TRIM24: variants seen among roughly 807,000 people sequenced by gnomAD.
TRIM24 encodes tripartite motif containing 24, also known as transcription intermediary factor 1-alpha.
Under a neutral mutation model 123.9 loss-of-function variants are expected in TRIM24, and 29 were observed. The observed-to-expected ratio is 0.23, with a 90% CI of 0.17 to 0.32. The LOEUF (loss-of-function observed/expected upper bound fraction) is 0.32. Ranked by LOEUF, TRIM24 falls within the 10% of genes least tolerant of loss-of-function variation. The probability of loss-of-function intolerance (pLI) is 1.00; values close to 1 mark genes in which losing one functional copy is unlikely to be tolerated. For missense variants in TRIM24, 932 were observed against 1,295.3 expected (o/e 0.72, Z 4.31); for synonymous variants, 456 against 461.1 (o/e 0.99, Z 0.14).
At chr7:138,522,663 C>T (rs1796527742) in intron 4 of TRIM24, among the ~76,000 whole-genome samples, 1 of 151,606 alleles carries the variant, frequency 6.6e-6, no homozygotes, top group African/African-American at 2.4e-5. Flanking sequence ...TTTTTTTTAA[C>T]TGTACTATGG....
intron 3 of TRIM24, among the ~76,000 whole-genome samples, chr7:138,516,808 G>GTTTTTTTTTT (rs1224612357): frequency 1.4e-4 from 18 of 131,870 alleles, no homozygotes; most frequent in African/African-American, 5.2e-4. Flanking sequence ...TAGCAAAACC[G>GTTTTTTTTTT]TTTTGTTTTT....
At position 138,585,102 on chromosome 7, in the gene TRIM24, C is replaced by A; in HGVS notation, c.*151C>A. ...TACTAGACTTTGATTTCCTTAATAG[C>A]CCATTTCTGTTAACCTCTTATCACT... is the stretch of plus-strand genomic sequence containing the variant. On this transcript the variant is annotated 3_prime_UTR_variant, in exon 19 of 19. Transcript: ENST00000343526. 4 of 554,884 alleles carry A rather than the reference C, an allele frequency of 7.2e-6. No homozygotes were observed. Among genetic ancestry groups the A allele is most frequent in the South Asian group, 3.7e-5 (1 of 26,918 alleles). 34.4% of individuals were successfully genotyped at this position (554,884 alleles called of 1,614,324 possible).
At position 138,567,593 on chromosome 7, in the gene TRIM24, G is replaced by A. The variant is rs771983254; in HGVS notation, c.1643G>A (p.Arg548Gln). The A allele has an allele frequency of 1.5e-5, 25 of 1,613,320 alleles. No individual in the cohort carries two copies. Among genetic ancestry groups the A allele is most frequent in the African/African-American group, 5.3e-5 (4 of 74,800 alleles). The change falls in exon 10 of 19, where the codon CGA becomes CAA. Residue 548 changes from arginine to glutamine, a missense_variant. Physicochemically the swap from Arg to Gln is conservative, Grantham distance 43. Coordinates refer to ENST00000343526, the MANE Select transcript of TRIM24 (RefSeq NM_015905.3). ...TATCCACCAAACCAGAACATACCACGACAAGCAATAAAGCCAAACCCCCTA... is the reference window on the plus strand; with the variant it reads ...TATCCACCAAACCAGAACATACCACAACAAGCAATAAAGCCAAACCCCCTA... ...LRYPPNQNIP[R>Q]QAIKPNPLQM...
intron 2 of TRIM24, 40 bp downstream of exon 2, chr7:138,504,448 T>G: frequency 1.0e-5 from 1 of 97,024 alleles, no homozygotes; most frequent in Non-Finnish European, 1.9e-5. Context: ...CTGCCAGCTC[T>G]TTTTTTTTTT....
chr7:138,576,583 TA>T (rs1317103736), intron 13 of TRIM24, 138 bp downstream of exon 13: 6 of 599,216 alleles, frequency 1.0e-5, no homozygotes, highest in Non-Finnish European at 1.7e-5. Context: ...ATAACTACTA[TA>T]TATTTTAATG....
chr7:138,573,653 CT>C lies in TRIM24; in HGVS notation c.2014+13del. 1 of 1,590,010 alleles carries C rather than the reference CT, an allele frequency of 6.3e-7. No individual in the cohort carries two copies. Among genetic ancestry groups the C allele is most frequent in the Non-Finnish European group, 8.5e-7 (1 of 1,173,194 alleles). ...CTCCAGGCCTTGCAGGTAAAGTGGG[CT>C]TCTTTTGATTTTTGTGAAAGTTTTT... On this transcript the variant is annotated intron_variant, in intron 12 of 18. Coordinates refer to ENST00000343526, the MANE Select transcript of TRIM24 (RefSeq NM_015905.3).
chr7:138,495,597 G>A (rs1795887728), intron 1 of TRIM24, among the ~76,000 whole-genome samples: 1 of 151,862 alleles, frequency 6.6e-6, no homozygotes, highest in Admixed American at 6.6e-5. Context: ...GCAGTTTTAG[G>A]ATGGTATATT....
intron 2 of TRIM24, among the ~76,000 whole-genome samples, chr7:138,505,075 A>G (rs1227118520): frequency 6.6e-6 from 1 of 152,174 alleles, no homozygotes; most frequent in Non-Finnish European, 1.5e-5. Flanking sequence ...TTTGCCAACT[A>G]TTGATGAGGC....
At chr7:138,555,347 A>T (rs570377636) in intron 9 of TRIM24, among the ~76,000 whole-genome samples, 1 of 152,190 alleles carries the variant, frequency 6.6e-6, no homozygotes, top group Non-Finnish European at 1.5e-5. Flanking sequence ...TGTTCAGTAA[A>T]CCACATTGCA....
At chr7:138,467,632 G>A (rs1349774423) in intron 1 of TRIM24, among the ~76,000 whole-genome samples, 4 of 152,136 alleles carry the variant, frequency 2.6e-5, no homozygotes, top group Non-Finnish European at 1.5e-5. Context: ...GTGAGCCACT[G>A]CACCCAGCCA....
chr7:138,562,561 A>C (rs575922726), intron 9 of TRIM24, among the ~76,000 whole-genome samples: 13 of 152,138 alleles, frequency 8.5e-5, no homozygotes, highest in Non-Finnish European at 1.8e-4. Flanking sequence ...ATGTTAGTAG[A>C]GTCGCTCACT....
Position 138,460,779 on chromosome 7 carries a change from C to G in TRIM24, c.231C>G (p.Phe77Leu). The G allele has an allele frequency of 6.3e-7, 1 of 1,584,592 alleles. No homozygotes were observed. The highest frequency in any genetic ancestry group is 8.6e-7 in the Non-Finnish European group (1 of 1,168,328). Reference protein sequence around the residue: ...APKLLPCLHSFCQRCLPAPQR... With the variant: ...APKLLPCLHSLCQRCLPAPQR... ...AGCTGCTGCCCTGCCTGCACTCTTT[C>G]TGCCAGCGCTGCCTGCCCGCGCCCC... The change falls in exon 1 of 19, where the codon TTC becomes TTG. Residue 77 changes from phenylalanine to leucine, a missense_variant. Transcript: ENST00000343526.
intron 11 of TRIM24, among the ~76,000 whole-genome samples, chr7:138,572,855 A>G (rs1313973862): frequency 6.6e-6 from 1 of 152,234 alleles, no homozygotes; most frequent in African/African-American, 2.4e-5. Flanking sequence ...TTGCCTGGCA[A>G]TGAATAAGGA....
intron 5 of TRIM24, among the ~76,000 whole-genome samples, chr7:138,528,085 G>A (rs1400361602): frequency 4.6e-5 from 7 of 151,838 alleles, no homozygotes; most frequent in Non-Finnish European, 1.0e-4. Context: ...AATGACTCTT[G>A]CTATGCGGCC....
intron 7 of TRIM24, among the ~76,000 whole-genome samples, chr7:138,540,347 T>G (rs916054952): frequency 6.6e-6 from 1 of 152,198 alleles, no homozygotes; most frequent in African/African-American, 2.4e-5. Flanking sequence ...CTTTCAGAAT[T>G]GGAGTCAGTC....
intron 7 of TRIM24, chr7:138,545,619 T>C (rs1196020565): frequency 2.3e-6 from 1 of 431,510 alleles, no homozygotes. Context: ...CATCTGTATG[T>C]GTGTATGTAT....
At chr7:138,501,205 A>T (rs950001750) in intron 1 of TRIM24, among the ~76,000 whole-genome samples, 21 of 152,144 alleles carry the variant, frequency 1.4e-4, no homozygotes, top group African/African-American at 5.1e-4. Flanking sequence ...TCACTAGGTG[A>T]TAGGAATTTT....
chr7:138,584,709 CT>C, intron 18 of TRIM24, 32 bp from the exon 19 acceptor site: 6 of 1,532,570 alleles, frequency 3.9e-6, no homozygotes, highest in South Asian at 1.2e-5. Flanking sequence ...AAAGTGTGTC[CT>C]TTTTTTACTC....
At chr7:138,526,320 T>C (rs1178133623) in intron 5 of TRIM24, among the ~76,000 whole-genome samples, 3 of 152,230 alleles carry the variant, frequency 2.0e-5, no homozygotes, top group African/African-American at 2.4e-5. Flanking sequence ...TTACACATAG[T>C]TTTACCATTT....
Sources: gnomAD v4.1 joint callset for allele counts (sites outside exome capture counted in the v4.1 genomes callset) on GRCh38, gnomAD v4.1.1 for gene constraint, MANE v1.5 for transcripts, NCBI Gene and HGNC (gene_info 2026-07-23, HGNC 2026-07-21) for gene names.